Variants in GRIA1 observed in about 807,000 individuals in gnomAD.
GRIA1 encodes glutamate ionotropic receptor AMPA type subunit 1.
GRIA1 carries 31 observed loss-of-function variants against 99.2 expected under a neutral mutation model. That is an observed-to-expected ratio of 0.31 (90% confidence interval 0.23 to 0.42). The LOEUF is 0.42. Among genes scored for constraint, GRIA1 ranks in the 10% least tolerant of loss-of-function variants. The pLI is 1.00. For synonymous variants in GRIA1, 438 were observed against 432.4 expected (o/e 1.01, Z -0.16); for missense variants, 782 against 1,157.5 (o/e 0.68, Z 4.71).
At chr5:153,542,035 G>T (rs1301545203) in intron 2 of GRIA1, among the ~76,000 whole-genome samples, 1 of 150,328 alleles carries the variant, frequency 6.7e-6, no homozygotes, top group African/African-American at 2.4e-5. Context: ...GCATCACCTT[G>T]ATCCCTGATA....
intron 5 of GRIA1, among the ~76,000 whole-genome samples, chr5:153,665,678 G>T (rs1049184334): frequency 2.6e-5 from 4 of 152,156 alleles, no homozygotes; most frequent in Non-Finnish European, 5.9e-5. Context: ...ATCAAAGCTG[G>T]AAGAGCCCTT....
At chr5:153,796,792 AC>A (rs1207879068) in intron 14 of GRIA1, among the ~76,000 whole-genome samples, 2 of 43,770 alleles carry the variant, frequency 4.6e-5, no homozygotes, top group Admixed American at 2.1e-4. Flanking sequence ...CCCCACCCCC[AC>A]CCCCCGGCTT....
intron 2 of GRIA1, among the ~76,000 whole-genome samples, chr5:153,640,013 A>T (rs545705630): frequency 6.6e-6 from 1 of 152,222 alleles, no homozygotes; most frequent in Admixed American, 6.5e-5. Flanking sequence ...CTTTGCATTT[A>T]CTTCTCCACA....
chr5:153,611,743 TA>T (rs1766005120), intron 2 of GRIA1, among the ~76,000 whole-genome samples: 1 of 152,114 alleles, frequency 6.6e-6, no homozygotes, highest in Non-Finnish European at 1.5e-5. Flanking sequence ...AAACAAAAAC[TA>T]AGTTGAAAGA....
chr5:153,699,214 T>G, intron 10 of GRIA1, 141 bp downstream of exon 10: 1 of 664,584 alleles, frequency 1.5e-6, no homozygotes, highest in South Asian at 1.7e-5. Flanking sequence ...AGATGAGTCA[T>G]CCAAAATCCA....
At chr5:153,512,829 C>T (rs1756225528) in intron 2 of GRIA1, among the ~76,000 whole-genome samples, 1 of 152,138 alleles carries the variant, frequency 6.6e-6, no homozygotes, top group African/African-American at 2.4e-5. Context: ...TCCCAAAATC[C>T]GTTTGTTAAA....
intron 2 of GRIA1, among the ~76,000 whole-genome samples, chr5:153,536,357 C>A (rs1758573046): frequency 6.6e-6 from 1 of 152,154 alleles, no homozygotes; most frequent in African/African-American, 2.4e-5. Flanking sequence ...CCCACCCCTA[C>A]CTCCACAAGA....
chr5:153,747,619 T>G (rs901306379), intron 11 of GRIA1, among the ~76,000 whole-genome samples: 4 of 152,222 alleles, frequency 2.6e-5, no homozygotes, highest in Non-Finnish European at 4.4e-5. Flanking sequence ...AATTGTTGCT[T>G]GTTCACATTC....
intron 2 of GRIA1, among the ~76,000 whole-genome samples, chr5:153,636,387 A>T (rs895232142): frequency 2.0e-5 from 3 of 152,210 alleles, no homozygotes; most frequent in Non-Finnish European, 4.4e-5. Context: ...TTTACAAACT[A>T]CAGCCCACAG....
intron 2 of GRIA1, among the ~76,000 whole-genome samples, chr5:153,579,370 C>G (rs1209343550): frequency 6.6e-6 from 1 of 152,148 alleles, no homozygotes; most frequent in African/African-American, 2.4e-5. Context: ...CAAGCAGACT[C>G]AAGTGTGTTA....
intron 8 of GRIA1, among the ~76,000 whole-genome samples, chr5:153,691,692 C>G (rs949034033): frequency 5.3e-5 from 8 of 152,284 alleles, no homozygotes; most frequent in Middle Eastern, 3.4e-3. Flanking sequence ...GTTATAGCAT[C>G]AGATATAGAC....
chr5:153,774,533 T>C (rs1459734402), intron 13 of GRIA1, among the ~76,000 whole-genome samples: 7 of 152,010 alleles, frequency 4.6e-5, no homozygotes, highest in Admixed American at 1.3e-4. Flanking sequence ...AAAGGTAGGG[T>C]TTTTGCAGCT....
At chr5:153,733,198 CAAAAT>C (rs1761161965) in intron 11 of GRIA1, among the ~76,000 whole-genome samples, 1 of 151,680 alleles carries the variant, frequency 6.6e-6, no homozygotes, top group African/African-American at 2.4e-5. Context: ...ACATCAAAAA[CAAAAT>C]GAAGAGGCAA....
intron 13 of GRIA1, among the ~76,000 whole-genome samples, chr5:153,789,729 CAT>C (rs1765182862): frequency 1.3e-5 from 2 of 152,272 alleles, no homozygotes; most frequent in South Asian, 4.1e-4. Context: ...ATGGGCCCAG[CAT>C]ATGTTATAAT....
chr5:153,679,711 T>C (rs1176101623), intron 7 of GRIA1, among the ~76,000 whole-genome samples: 1 of 152,214 alleles, frequency 6.6e-6, no homozygotes, highest in Non-Finnish European at 1.5e-5. Context: ...TATCCAGTCT[T>C]AGAAACCTGA....
rs1391754681 is a variant in GRIA1 at position 153,749,983 on chromosome 5, C to G, written c.1824-14451C>G. Among the ~76,000 whole-genome samples the G allele has an allele frequency of 2.0e-5, 3 of 152,150 alleles. No homozygotes were observed. In the East Asian group the frequency reaches 5.8e-4, roughly 29 times the overall value. ...AGCCTTCCAACCCTGAGACTCACCC[C>G]CAGAGTCCAGGGCCCTCCCCCATCT... is the stretch of plus-strand genomic sequence containing the variant. On this transcript the variant is annotated intron_variant, in intron 11 of 15. Transcript: ENST00000285900.
intron 4 of GRIA1, among the ~76,000 whole-genome samples, chr5:153,654,796 A>G (rs950940467): frequency 7.2e-5 from 11 of 152,196 alleles, no homozygotes; most frequent in African/African-American, 2.7e-4. Flanking sequence ...GACACCGAGC[A>G]GAGTACACTA....
intron 2 of GRIA1, among the ~76,000 whole-genome samples, chr5:153,605,595 C>T (rs1319557350): frequency 2.6e-5 from 4 of 152,134 alleles, no homozygotes; most frequent in South Asian, 4.1e-4. Flanking sequence ...ATTTACACTC[C>T]CACCATCAAT....
At chr5:153,629,427 C>T (rs938141139) in intron 2 of GRIA1, among the ~76,000 whole-genome samples, 2 of 152,202 alleles carry the variant, frequency 1.3e-5, no homozygotes, top group Non-Finnish European at 2.9e-5. Flanking sequence ...AGGTGGGAAA[C>T]GTCTGTGATG....
Sources: gnomAD v4.1 joint callset for allele counts (sites outside exome capture counted in the v4.1 genomes callset) on GRCh38, gnomAD v4.1.1 for gene constraint, MANE v1.5 for transcripts, NCBI Gene and HGNC (gene_info 2026-07-23, HGNC 2026-07-21) for gene names.